The following MYO5B variants were observed in gnomAD, a reference collection of about 807,000 sequenced individuals.
The protein encoded by MYO5B is unconventional myosin-Vb.
In MYO5B, 143 loss-of-function variants were observed where a neutral mutation model predicts 229.3. The ratio of observed to expected loss-of-function variants is 0.62; its 90% CI spans 0.54 to 0.72. The LOEUF is 0.72. Ranked by LOEUF, MYO5B falls within the 30% of genes least tolerant of loss-of-function variation. The pLI, the probability that MYO5B is intolerant of heterozygous loss-of-function variation, is 0.00. For missense variants in MYO5B, 2,321 were observed against 2,331.0 expected, an observed-to-expected ratio of 1.00 and a Z score of 0.09; for synonymous variants, 918 against 885.2, an observed-to-expected ratio of 1.04 and a Z score of -0.66.
chr18:50,181,456 T>C (rs1232159925), intron 1 of MYO5B, among the ~76,000 whole-genome samples: 1 of 152,224 alleles, frequency 6.6e-6, no homozygotes, highest in Non-Finnish European at 1.5e-5. Flanking sequence ...AATAGCAAGA[T>C]AGTCAGTGAG....
intron 5 of MYO5B, among the ~76,000 whole-genome samples, chr18:49,995,585 A>T (rs1373856942): frequency 1.3e-5 from 2 of 152,160 alleles, no homozygotes; most frequent in Non-Finnish European, 2.9e-5. Context: ...CTCTCAGAAG[A>T]TGCTAGAAAA....
intron 1 of MYO5B, among the ~76,000 whole-genome samples, chr18:50,140,178 T>C (rs1455182490): frequency 6.6e-6 from 1 of 152,222 alleles, no homozygotes; most frequent in African/African-American, 2.4e-5. Flanking sequence ...GAAATCCTGT[T>C]TGGTTCTAGA....
chr18:50,081,084 TC>T (rs1249663904), intron 1 of MYO5B, among the ~76,000 whole-genome samples: 2 of 152,136 alleles, frequency 1.3e-5, no homozygotes, highest in Admixed American at 1.3e-4. Context: ...AAACACACCT[TC>T]CAAGAAAGCA....
At position 49,968,964 on chromosome 18, in the gene MYO5B, G is replaced by A. The variant is rs375196814; in HGVS notation, c.1322+5386C>T. On this transcript the variant is annotated intron_variant, in intron 10 of 39. Transcript: ENST00000285039. ...TCAGGCTCCAGGCACACTCCAAAGG[G>A]CCACCTCAGAACAATTCGGGAAGGT... Among the ~76,000 whole-genome samples the A allele has an allele frequency of 2.4e-4, 36 of 152,274 alleles. No homozygotes were observed. In the South Asian group the frequency reaches 7.5e-3, roughly 32 times the overall value.
chr18:50,004,069 G>A (rs928835855), intron 4 of MYO5B, among the ~76,000 whole-genome samples: 1 of 152,158 alleles, frequency 6.6e-6, no homozygotes, highest in African/African-American at 2.4e-5. Flanking sequence ...GCATCAATAA[G>A]GGAATTCCCC....
rs554451769 is a variant in MYO5B, at chr18:49,921,431, C to T, written c.2090+8081G>A. Among the ~76,000 whole-genome samples the T allele has an allele frequency of 1.5e-4, 23 of 152,042 alleles. No homozygotes were observed. The South Asian group carries it at 1.7e-3, about 11-fold the overall frequency. On this transcript the variant is annotated intron_variant, in intron 17 of 39. Transcript: ENST00000285039. ...GGCACGAGACCTAGGAGCTGGGTGA[C>T]GGGTGGAAAAGCCTCTCTTCCTGGG...
chr18:49,864,401 CG>C, intron 27 of MYO5B, 21 bp from the exon 28 acceptor site: 1 of 1,611,792 alleles, frequency 6.2e-7, no homozygotes, highest in Non-Finnish European at 8.5e-7. Context: ...GCCCAAGGGC[CG>C]CTGCCATTAC....
chr18:49,837,942 T>C (rs529909282), intron 36 of MYO5B, 140 bp from the exon 37 acceptor site: 12 of 1,151,058 alleles, frequency 1.0e-5, no homozygotes, highest in South Asian at 2.7e-5. Context: ...TAGGAACTTA[T>C]AACATTTGGC....
At chr18:50,043,989 T>C (rs769032166) in intron 2 of MYO5B, among the ~76,000 whole-genome samples, 7 of 152,014 alleles carry the variant, frequency 4.6e-5, no homozygotes, top group Non-Finnish European at 1.0e-4. Flanking sequence ...ACTAAAGAAC[T>C]TACTCATCTA....
intron 17 of MYO5B, among the ~76,000 whole-genome samples, chr18:49,920,204 C>T (rs2025059379): frequency 6.6e-6 from 1 of 152,152 alleles, no homozygotes; most frequent in South Asian, 2.1e-4. Flanking sequence ...GTGATAAAAA[C>T]ATTCTGAAAT....
chr18:50,055,445 C>G (rs2030523245), intron 1 of MYO5B, 67 bp from the exon 2 acceptor site: 4 of 1,355,324 alleles, frequency 3.0e-6, no homozygotes, highest in South Asian at 1.2e-5. Context: ...ATGTGTGTCA[C>G]TACCTAGAAA....
chr18:50,074,714 T>C (rs187304935), intron 1 of MYO5B, among the ~76,000 whole-genome samples: 4 of 152,088 alleles, frequency 2.6e-5, no homozygotes, highest in African/African-American at 9.7e-5. Context: ...CTTTCCACCA[T>C]CCCCACTATC....
At chr18:49,834,602 T>C (rs944217285) in intron 39 of MYO5B, among the ~76,000 whole-genome samples, 45 of 152,190 alleles carry the variant, frequency 3.0e-4, no homozygotes, top group African/African-American at 8.9e-4. Flanking sequence ...CCGTTTTCCC[T>C]AATACATTTT....
intron 30 of MYO5B, 101 bp downstream of exon 30, chr18:49,856,712 C>A (rs1322991732): frequency 9.3e-6 from 9 of 964,306 alleles, no homozygotes; most frequent in Admixed American, 1.8e-5. Flanking sequence ...GCCAACTGTT[C>A]CCCGTGCTCT....
chr18:49,928,255 T>C (rs1351143051), intron 17 of MYO5B, among the ~76,000 whole-genome samples: 1 of 152,134 alleles, frequency 6.6e-6, no homozygotes, highest in Non-Finnish European at 1.5e-5. Flanking sequence ...ATGGATGTGG[T>C]GAAAAGGGAA....
intron 1 of MYO5B, among the ~76,000 whole-genome samples, chr18:50,148,522 G>A (rs1156770277): frequency 6.6e-6 from 1 of 152,072 alleles, no homozygotes; most frequent in African/African-American, 2.4e-5. Flanking sequence ...ATGCAAGGCT[G>A]GTTCAATATA....
chr18:50,003,666 T>A (rs2026070715), intron 4 of MYO5B, among the ~76,000 whole-genome samples: 1 of 152,176 alleles, frequency 6.6e-6, no homozygotes, highest in African/African-American at 2.4e-5. Flanking sequence ...ATACCATCTT[T>A]AAAACTTCCT....
At chr18:50,071,724 T>C (rs982626824) in intron 1 of MYO5B, among the ~76,000 whole-genome samples, 29 of 152,216 alleles carry the variant, frequency 1.9e-4, no homozygotes, top group Non-Finnish European at 4.4e-5. Flanking sequence ...CCTGGTTCTG[T>C]GGGAATTTCT....
chr18:49,931,219 C>T (rs1007562718), intron 16 of MYO5B, among the ~76,000 whole-genome samples: 2 of 152,130 alleles, frequency 1.3e-5, no homozygotes, highest in Non-Finnish European at 2.9e-5. Context: ...TGGGCATTTG[C>T]CAAGCAACTG....
Sources: gnomAD v4.1 joint callset for allele counts (sites outside exome capture counted in the v4.1 genomes callset) on GRCh38, gnomAD v4.1.1 for gene constraint, MANE v1.5 for transcripts, NCBI Gene and HGNC (gene_info 2026-07-23, HGNC 2026-07-21) for gene names.